CTCF: variants seen among roughly 807,000 people sequenced by gnomAD.
CTCF encodes the protein transcriptional repressor CTCF.
Under a neutral mutation model 72.3 loss-of-function variants are expected in CTCF, and 7 were observed. The observed-to-expected ratio is 0.10, with a 90% CI of 0.06 to 0.18. The LOEUF (loss-of-function observed/expected upper bound fraction) is 0.18, where lower values mean the gene tolerates loss of function less well. Ranked by LOEUF, CTCF falls within the 10% of genes least tolerant of loss-of-function variation. The pLI is 1.00. For synonymous variants in CTCF, 374 were observed against 315.8 expected (o/e 1.18, Z -1.95); for missense variants, 516 against 949.1 (o/e 0.54, Z 6.00).
At chr16:67,571,603 A>G (rs112443468) in intron 2 of CTCF, among the ~76,000 whole-genome samples, 60 of 152,312 alleles carry the variant, frequency 3.9e-4, no homozygotes, top group African/African-American at 1.3e-3. Context: ...GATCCCAGGA[A>G]ATTGTGGCTG....
chr16:67,611,668 A>G (rs958810060), intron 3 of CTCF, 55 bp downstream of exon 3: 2 of 1,478,542 alleles, frequency 1.4e-6, no homozygotes, highest in Non-Finnish European at 1.9e-6. Context: ...ATAAGCATAC[A>G]ACACAGTGCA....
chr16:67,571,436 T>C (rs570703747), intron 2 of CTCF, among the ~76,000 whole-genome samples, 172 bp downstream of exon 2: 2 of 152,346 alleles, frequency 1.3e-5, no homozygotes, highest in South Asian at 2.1e-4. Context: ...TACGATGATA[T>C]ACTAGCTGGG....
At chr16:67,564,036 G>A (rs1597669826) in intron 1 of CTCF, 1 of 152,216 alleles carries the variant, frequency 6.6e-6, no homozygotes, top group Admixed American at 6.6e-5. Flanking sequence ...GAGACTTCCT[G>A]TAGCCCCGAG....
chr16:67,627,636 TA>T (rs542670309), intron 8 of CTCF: 64 of 131,266 alleles, frequency 4.9e-4, no homozygotes, highest in East Asian at 9.0e-4. Context: ...CCATCTCTAC[TA>T]AAAAAAAAAA....
At chr16:67,597,263 T>C (rs1056016380) in intron 2 of CTCF, among the ~76,000 whole-genome samples, 5 of 152,148 alleles carry the variant, frequency 3.3e-5, no homozygotes, top group African/African-American at 1.2e-4. Flanking sequence ...CTCGAACTCC[T>C]GGGCTCAAGC....
intron 2 of CTCF, among the ~76,000 whole-genome samples, chr16:67,578,998 T>A (rs563948370): frequency 2.1e-4 from 32 of 151,240 alleles, no homozygotes; most frequent in Non-Finnish European, 4.0e-4. Context: ...CTCACGCCTG[T>A]AATCCCAGCA....
At chr16:67,583,767 T>G (rs1190024042) in intron 2 of CTCF, among the ~76,000 whole-genome samples, 1 of 152,108 alleles carries the variant, frequency 6.6e-6, no homozygotes, top group South Asian at 2.1e-4. Flanking sequence ...GATTAATCCT[T>G]GACTTTCGGG....
chr16:67,594,724 A>G (rs2051789793), intron 2 of CTCF, among the ~76,000 whole-genome samples: 1 of 152,104 alleles, frequency 6.6e-6, no homozygotes, highest in South Asian at 2.1e-4. Context: ...GGAACCATCT[A>G]TACCTGTTTC....
chr16:67,580,722 C>T (rs958660132), intron 2 of CTCF, among the ~76,000 whole-genome samples: 42 of 148,230 alleles, frequency 2.8e-4, no homozygotes, highest in African/African-American at 1.0e-3. Context: ...CCACCACACT[C>T]GGCTAATTTT....
chr16:67,584,339 T>C (rs1183560151), intron 2 of CTCF, among the ~76,000 whole-genome samples: 1 of 111,672 alleles, frequency 9.0e-6, no homozygotes, highest in Non-Finnish European at 1.8e-5. Flanking sequence ...AAAGTCTTCT[T>C]TTTTTTTTTT....
At chr16:67,595,816 A>G (rs889800904) in intron 2 of CTCF, among the ~76,000 whole-genome samples, 2 of 151,860 alleles carry the variant, frequency 1.3e-5, no homozygotes, top group East Asian at 1.9e-4. Flanking sequence ...TAGAACAAAC[A>G]TTTTCTCCAT....
At chr16:67,581,819 T>C (rs973263010) in intron 2 of CTCF, among the ~76,000 whole-genome samples, 1 of 152,124 alleles carries the variant, frequency 6.6e-6, no homozygotes, top group Non-Finnish European at 1.5e-5. Context: ...TTTGTGTTTT[T>C]AGTGGAGACA....
At chr16:67,631,683 C>A (rs1394243877) in intron 10 of CTCF, among the ~76,000 whole-genome samples, 5 of 96,702 alleles carry the variant, frequency 5.2e-5, no homozygotes, top group African/African-American at 2.0e-4. Context: ...CCCCCCCACC[C>A]CCCCCCCCTT....
chr16:67,588,319 G>C (rs1037180623), intron 2 of CTCF, among the ~76,000 whole-genome samples: 2 of 152,206 alleles, frequency 1.3e-5, no homozygotes, highest in African/African-American at 4.8e-5. Context: ...CAAGGTGATA[G>C]ACTTGCTATA....
chr16:67,589,406 ATATTTTTGT>A (rs1252525686), intron 2 of CTCF, among the ~76,000 whole-genome samples: 9 of 152,300 alleles, frequency 5.9e-5, no homozygotes, highest in Admixed American at 3.9e-4. Context: ...AATTCCATAC[ATATTTTTGT>A]TATATACCGT....
chr16:67,629,197 GTC>G (rs1293763759), intron 9 of CTCF, among the ~76,000 whole-genome samples, 199 bp from the exon 10 acceptor site: 34 of 138,848 alleles, frequency 2.4e-4, no homozygotes, highest in East Asian at 5.1e-4. Context: ...ATCCTCCCCC[GTC>G]TCTGTCTGCA....
At chr16:67,623,654 C>T (rs1356474602) in intron 7 of CTCF, among the ~76,000 whole-genome samples, 2 of 151,684 alleles carry the variant, frequency 1.3e-5, no homozygotes, top group African/African-American at 4.8e-5. Flanking sequence ...AGAATCTTAG[C>T]CAGACACAGT....
At position 67,581,986 on chromosome 16, in the gene CTCF, G is replaced by A. The variant is rs1455910122; in HGVS notation, c.-10+10722G>A. On this transcript the variant is annotated intron_variant, in intron 2 of 11. Coordinates refer to ENST00000264010, the MANE Select transcript of CTCF (RefSeq NM_006565.4). ...TGCCTGTAATCCCAGCACTTTGGGA[G>A]GCCGAGGCTGGCGGATCACGAGGTC... 2.6e-5 allele frequency among the ~76,000 whole-genome samples: 4 copies of A among 152,012 alleles called. No homozygotes were observed. The South Asian group carries it at 6.2e-4, about 24-fold the overall frequency.
chr16:67,625,255 A>G (rs1178995928), intron 7 of CTCF, among the ~76,000 whole-genome samples: 1 of 151,980 alleles, frequency 6.6e-6, no homozygotes, highest in Non-Finnish European at 1.5e-5. Flanking sequence ...CAGTAGCACA[A>G]TCTTGGCTCA....
Sources: gnomAD v4.1 joint callset for allele counts (sites outside exome capture counted in the v4.1 genomes callset) on GRCh38, gnomAD v4.1.1 for gene constraint, MANE v1.5 for transcripts, NCBI Gene and HGNC (gene_info 2026-07-23, HGNC 2026-07-21) for gene names.